FHOD3: variants seen among roughly 807,000 people sequenced by gnomAD.
The protein encoded by FHOD3 is formin homology 2 domain containing 3, also known as FH1/FH2 domain-containing protein 3.
A neutral mutation model predicts 173.0 loss-of-function variants in FHOD3; 90 were observed. The ratio of observed to expected loss-of-function variants is 0.52; its 90% confidence interval spans 0.44 to 0.62. The LOEUF is 0.62. FHOD3 is among the 20% of genes least tolerant of loss of function. The pLI is 0.00. For missense variants in FHOD3, 1,945 were observed against 2,034.7 expected (o/e 0.96, Z 0.85); for synonymous variants, 828 against 823.0 (o/e 1.01, Z -0.10).
intron 10 of FHOD3, among the ~76,000 whole-genome samples, chr18:36,644,129 G>A (rs774667455): frequency 2.5e-4 from 38 of 152,108 alleles, no homozygotes; most frequent in South Asian, 2.1e-4. Context: ...GACTGTTTGC[G>A]GTGAAAAGGA....
chr18:36,556,362 G>C (rs890743665), intron 5 of FHOD3, among the ~76,000 whole-genome samples: 3 of 151,996 alleles, frequency 2.0e-5, no homozygotes, highest in Non-Finnish European at 4.4e-5. Flanking sequence ...TACAATATTT[G>C]CTGGATATGA....
chr18:36,321,144 G>C lies in FHOD3; in HGVS notation c.165+23144G>C, dbSNP rs549119952. 8.6e-5 allele frequency among the ~76,000 whole-genome samples: 13 copies of C among 150,324 alleles called. No individual in the cohort carries two copies. The East Asian group carries it at 2.0e-3, about 23-fold the overall frequency. On this transcript the variant is annotated intron_variant, in intron 1 of 28. Coordinates refer to ENST00000590592, the MANE Select transcript of FHOD3 (RefSeq NM_001281740.3). ...TTTCTTACCTGCAGATATTCTTAAT[G>C]AGAACACAGAAATGTTTCCAACAGT...
At position 36,381,895 on chromosome 18, in the gene FHOD3, G is replaced by A. The variant is rs111520065; in HGVS notation, c.337+9151G>A. Among the ~76,000 whole-genome samples, 1,377 of 152,310 alleles carry A rather than the reference G, an allele frequency of 9.0e-3. 20 individuals carry two copies. Among genetic ancestry groups the A allele is most frequent in the African/African-American group, 0.032 (1,316 of 41,566 alleles). On this transcript the variant is annotated intron_variant, in intron 3 of 28. Transcript: ENST00000590592. ...TCAAAGGAGTGGGAAGAATGTGAGAGTAAATAGAGAGTTAAAAAACTGTGG... is the reference window on the plus strand; with the variant it reads ...TCAAAGGAGTGGGAAGAATGTGAGAATAAATAGAGAGTTAAAAAACTGTGG...
intron 5 of FHOD3, among the ~76,000 whole-genome samples, chr18:36,515,485 G>A (rs1307579573): frequency 6.6e-6 from 1 of 152,206 alleles, no homozygotes; most frequent in African/African-American, 2.4e-5. Context: ...CCAAAGTGGT[G>A]GGATTACAGG....
intron 6 of FHOD3, among the ~76,000 whole-genome samples, chr18:36,582,329 C>G (rs1274074826): frequency 6.6e-6 from 1 of 152,078 alleles, no homozygotes; most frequent in Non-Finnish European, 1.5e-5. Flanking sequence ...AGCTGAAGAC[C>G]TTTGTAAGTT....
At chr18:36,734,189 G>A (rs1484561327) in intron 20 of FHOD3, among the ~76,000 whole-genome samples, 1 of 152,180 alleles carries the variant, frequency 6.6e-6, no homozygotes, top group Non-Finnish European at 1.5e-5. Flanking sequence ...TGCATCGTGA[G>A]TCCTCAGTAA....
In FHOD3 at chr18:36,730,752, A is replaced by C. The variant is rs1322203041; in HGVS notation, c.3524A>C (p.Lys1175Thr). Residue 1175 changes from lysine to threonine, a missense_variant, in exon 20 of 29, where the codon AAG becomes ACG. By Grantham distance (78) the Lys-to-Thr change is moderately conservative (BLOSUM62 -1). Around this residue, in one of 5 missense-constraint regions of FHOD3, gnomAD observed 231 missense variants for 321.9 expected, o/e 0.72. Coordinates refer to ENST00000590592, the MANE Select transcript of FHOD3 (RefSeq NM_001281740.3). The part of the protein sequence containing the change: ...LTVLPPPRTI[K>T]IAILNFDEYA... ...GTGCTGCCCCCTCCAAGGACGATTAAGATCGCCATTTTGAATTTTGATGAG... is the reference window on the plus strand; with the variant it reads ...GTGCTGCCCCCTCCAAGGACGATTACGATCGCCATTTTGAATTTTGATGAG... The C allele has an allele frequency of 9.3e-6, 15 of 1,614,076 alleles. No homozygotes were observed. The highest frequency in any genetic ancestry group is 1.3e-5 in the African/African-American group (1 of 74,930).
intron 14 of FHOD3, among the ~76,000 whole-genome samples, chr18:36,663,767 C>A (rs1446534404): frequency 6.6e-6 from 1 of 152,230 alleles, no homozygotes; most frequent in Non-Finnish European, 1.5e-5. Flanking sequence ...TACTGTAGTT[C>A]TTCCAGTGAT....
intron 3 of FHOD3, among the ~76,000 whole-genome samples, chr18:36,413,076 G>T (rs1180282177): frequency 6.6e-6 from 1 of 152,258 alleles, no homozygotes; most frequent in African/African-American, 2.4e-5. Flanking sequence ...AAACACAGTT[G>T]TGTCATTTAG....
At chr18:36,576,579 C>T (rs1456079707) in intron 6 of FHOD3, 34 bp downstream of exon 6, 4 of 1,498,724 alleles carry the variant, frequency 2.7e-6, no homozygotes, top group Non-Finnish European at 3.7e-6. Flanking sequence ...GTTTTGTTCA[C>T]TTGTCATATC....
intron 27 of FHOD3, among the ~76,000 whole-genome samples, chr18:36,768,163 A>G (rs2043221684): frequency 6.6e-6 from 1 of 152,106 alleles, no homozygotes; most frequent in African/African-American, 2.4e-5. Context: ...TGTAGATGGT[A>G]GAAATTAACA....
intron 3 of FHOD3, among the ~76,000 whole-genome samples, chr18:36,458,798 T>C (rs1342867761): frequency 6.6e-6 from 1 of 151,940 alleles, no homozygotes; most frequent in African/African-American, 2.4e-5. Flanking sequence ...CCTTTTCTTT[T>C]AATTTTCAAA....
chr18:36,422,666 G>A (rs1054404535), intron 3 of FHOD3, among the ~76,000 whole-genome samples: 1 of 152,216 alleles, frequency 6.6e-6, no homozygotes, highest in Admixed American at 6.5e-5. Flanking sequence ...GCTGACCTAA[G>A]GGGCTGCTTT....
At chr18:36,506,563 T>G (rs544773219) in intron 4 of FHOD3, among the ~76,000 whole-genome samples, 1 of 152,160 alleles carries the variant, frequency 6.6e-6, no homozygotes, top group South Asian at 2.1e-4. Flanking sequence ...CTGGAAGAAG[T>G]GGATATTGAA....
intron 3 of FHOD3, among the ~76,000 whole-genome samples, chr18:36,414,881 C>T (rs1420379548): frequency 6.6e-6 from 1 of 152,126 alleles, no homozygotes; most frequent in African/African-American, 2.4e-5. Context: ...AGGAGGGGCT[C>T]CTGCAGGGCT....
chr18:36,651,030 T>C (rs1179085909), intron 11 of FHOD3, among the ~76,000 whole-genome samples: 2 of 152,138 alleles, frequency 1.3e-5, no homozygotes, highest in East Asian at 3.9e-4. Context: ...TTCATCTGGA[T>C]GTTATTTGTT....
chr18:36,587,147 G>C (rs575740862), intron 6 of FHOD3, among the ~76,000 whole-genome samples: 1 of 152,320 alleles, frequency 6.6e-6, no homozygotes, highest in South Asian at 2.1e-4. Context: ...GTCTTTTCTG[G>C]AGATGGTGGG....
intron 20 of FHOD3, among the ~76,000 whole-genome samples, chr18:36,735,658 T>C (rs2041594341): frequency 6.6e-6 from 1 of 152,220 alleles, no homozygotes; most frequent in Non-Finnish European, 1.5e-5. Context: ...TTTTTTAAGT[T>C]GCTACAGGAA....
intron 1 of FHOD3, among the ~76,000 whole-genome samples, chr18:36,319,639 A>C (rs1182209586): frequency 6.6e-6 from 1 of 152,222 alleles, no homozygotes; most frequent in Non-Finnish European, 1.5e-5. Flanking sequence ...AAGCGGACCT[A>C]ATAGACATCT....
Sources: allele counts gnomAD v4.1 joint callset (sites outside exome capture counted in the v4.1 genomes callset), GRCh38; gene constraint gnomAD v4.1.1; regional missense constraint gnomAD v4.1.1; transcripts MANE v1.5; gene names NCBI Gene and HGNC (gene_info 2026-07-23, HGNC 2026-07-21).